UNC5A: variants seen among roughly 807,000 people sequenced by gnomAD.
UNC5A encodes the protein unc-5 netrin receptor A.
Under a neutral mutation model 87.4 loss-of-function variants are expected in UNC5A, and 20 were observed. The ratio of observed to expected loss-of-function variants is 0.23; its 90% CI spans 0.16 to 0.33. The LOEUF is 0.33. Ranked by LOEUF, UNC5A falls within the 10% of genes least tolerant of loss-of-function variation. UNC5A has a pLI of 1.00. For missense variants in UNC5A, 844 were observed against 1,133.4 expected, an observed-to-expected ratio of 0.74 and a Z score of 3.67; for synonymous variants, 438 against 482.3, an observed-to-expected ratio of 0.91 and a Z score of 1.20.
intron 1 of UNC5A, among the ~76,000 whole-genome samples, chr5:176,851,262 T>A (rs1757535043): frequency 2.0e-5 from 3 of 152,212 alleles, no homozygotes; most frequent in Non-Finnish European, 4.4e-5. Context: ...TCCTGTCAAG[T>A]TCACCATGGC....
rs1758032023 is a variant in UNC5A at position 176,868,642 on chromosome 5, C to T, written c.518C>T (p.Pro173Leu). ...EQGIVLPCRP[P>L]EGIPPAEVEW... ...GGCATCGTGCTGCCCTGCCGTCCAC[C>T]GGAGGGCATCCCTCCAGCCGAGGTG... Residue 173 changes from proline to leucine, a missense_variant, in exon 4 of 15, where the codon CCG (proline) becomes CTG (leucine). Pro to Leu is a moderately conservative substitution (Grantham distance 98). Transcript: ENST00000329542. The T allele has an allele frequency of 1.9e-6, 3 of 1,604,264 alleles. No homozygotes were observed. Among genetic ancestry groups the T allele is most frequent in the South Asian group, 1.1e-5 (1 of 90,106 alleles).
At chr5:176,847,665 A>T (rs548917229) in intron 1 of UNC5A, among the ~76,000 whole-genome samples, 3 of 151,958 alleles carry the variant, frequency 2.0e-5, no homozygotes, top group Non-Finnish European at 4.4e-5. Flanking sequence ...TACATATTCC[A>T]GCCCGATAGC....
chr5:176,815,822 T>C (rs1477470564), intron 1 of UNC5A, among the ~76,000 whole-genome samples: 3 of 152,130 alleles, frequency 2.0e-5, no homozygotes, highest in Admixed American at 6.5e-5. Flanking sequence ...TCCCCCGCCA[T>C]TGACACATAC....
rs187911450 is a variant in UNC5A at position 176,844,559 on chromosome 5, C to T, written c.71-18065C>T. Among the ~76,000 whole-genome samples, 58 of 152,294 alleles carry T rather than the reference C, an allele frequency of 3.8e-4. 1 individual carries two copies. In the East Asian group the frequency reaches 0.01, roughly 27 times the overall value. On this transcript the variant is annotated intron_variant, in intron 1 of 14. Coordinates refer to ENST00000329542, the MANE Select transcript of UNC5A (RefSeq NM_133369.3). This position sits in a 1 kb window ranked among gnomAD's most constrained non-coding sequence, Gnocchi z 4.2. Reference sequence around the variant, plus strand: ...GGGACTTAGCCGCACTGTGCCACACCGAAATTCACAGCCCACCGTGGCTCG... The same window carrying T: ...GGGACTTAGCCGCACTGTGCCACACTGAAATTCACAGCCCACCGTGGCTCG...
chr5:176,840,661 A>G (rs1757254166), intron 1 of UNC5A, among the ~76,000 whole-genome samples: 1 of 152,208 alleles, frequency 6.6e-6, no homozygotes, highest in Non-Finnish European at 1.5e-5. Context: ...GCAAGTGGGC[A>G]GGACAAAAGG....
rs1045349465 is a variant in UNC5A at position 176,875,320 on chromosome 5, T to G, written c.1378+754T>G. On this transcript the variant is annotated intron_variant, in intron 8 of 14. Coordinates refer to ENST00000329542, the MANE Select transcript of UNC5A (RefSeq NM_133369.3). This position sits in a 1 kb window ranked among gnomAD's most constrained non-coding sequence, Gnocchi z 5.2. The stretch of plus-strand genomic sequence containing the variant: ...GCCAGCTCCATCTGGATGTCTCACA[T>G]CACCTCAGACTCCTGGTGCCTAAAA... 3.3e-5 allele frequency among the ~76,000 whole-genome samples: 5 copies of G among 152,140 alleles called. No homozygotes were observed. Among genetic ancestry groups the G allele is most frequent in the South Asian group, 2.1e-4 (1 of 4,806 alleles).
At chr5:176,870,876 G>T (rs1430162071) in intron 6 of UNC5A, among the ~76,000 whole-genome samples, 1 of 136,318 alleles carries the variant, frequency 7.3e-6, no homozygotes, top group Admixed American at 7.6e-5. Flanking sequence ...CTTCCCATCT[G>T]CCCACGCTCA....
intron 1 of UNC5A, among the ~76,000 whole-genome samples, chr5:176,853,144 G>C (rs764447901): frequency 1.4e-4 from 22 of 152,348 alleles, no homozygotes; most frequent in Non-Finnish European, 2.5e-4. Flanking sequence ...GCCCTGCAGT[G>C]GGGTGAGTGC....
rs1183082608 is a variant in UNC5A, at chr5:176,874,042, C to T, written c.961C>T (p.Leu321Phe). The change falls in exon 7 of 15, where the codon CTT becomes TTT. Residue 321 changes from leucine (L) to phenylalanine (F), a missense_variant. By Grantham distance (22) the Leu-to-Phe change is conservative (BLOSUM62 0). Around this residue, in one of 3 missense-constraint regions of UNC5A, gnomAD observed 314 missense variants for 466.5 expected, o/e 0.67. Transcript: ENST00000329542. This position sits in a 1 kb window ranked among gnomAD's most constrained non-coding sequence, Gnocchi z 7.6. Reference sequence around the variant, plus strand: ...GGCCGTCTGCCTGGTCCTGCTGCTGCTTGTCCTCATCCTCGTTTATTGCCG... The same window carrying T: ...GGCCGTCTGCCTGGTCCTGCTGCTGTTTGTCCTCATCCTCGTTTATTGCCG... Reference protein sequence around the residue: ...AVAVCLVLLLLVLILVYCRKK... With the variant: ...AVAVCLVLLLFVLILVYCRKK... 2 of 1,614,132 alleles carry T rather than the reference C, an allele frequency of 1.2e-6. No homozygotes were observed. Among genetic ancestry groups the T allele is most frequent in the Non-Finnish European group, 1.7e-6 (2 of 1,179,998 alleles).
chr5:176,878,011 C>G lies in UNC5A; in HGVS notation c.1753C>G (p.Leu585Val), dbSNP rs751255144. ...CCGCTTTGCCCTGGTGGGAGAGGCC[C>G]TCAGCGTGGCTGCCGCCAAGCGCCT... ...LGRFALVGEA[L>V]SVAAAKRLKL... The change falls in exon 11 of 15, where the codon CTC becomes GTC. Residue 585 changes from leucine to valine, a missense_variant. Around this residue, in one of 3 missense-constraint regions of UNC5A, gnomAD observed 353 missense variants for 387.5 expected, o/e 0.91. Coordinates refer to ENST00000329542, the MANE Select transcript of UNC5A (RefSeq NM_133369.3). The G allele has an allele frequency of 6.2e-7, 1 of 1,607,426 alleles. No homozygotes were observed.
chr5:176,829,086 C>T (rs767593542), intron 1 of UNC5A, among the ~76,000 whole-genome samples: 7 of 148,246 alleles, frequency 4.7e-5, no homozygotes, highest in Non-Finnish European at 7.4e-5. Flanking sequence ...GAGCGGAGAT[C>T]GCGCTGCTGC....
rs576024737 is a variant in UNC5A at position 176,844,576 on chromosome 5, C to A, written c.71-18048C>A. ...TGCCACACCGAAATTCACAGCCCACCGTGGCTCGGAGGAGCATGGGCTGGT... is the reference window on the plus strand; with the variant it reads ...TGCCACACCGAAATTCACAGCCCACAGTGGCTCGGAGGAGCATGGGCTGGT... On this transcript the variant is annotated intron_variant, in intron 1 of 14. Coordinates refer to ENST00000329542, the MANE Select transcript of UNC5A (RefSeq NM_133369.3). The surrounding 1 kb of genome is among the most constrained non-coding windows in gnomAD (Gnocchi z 4.2). Among the ~76,000 whole-genome samples the A allele has an allele frequency of 6.6e-6, 1 of 152,214 alleles. No homozygotes were observed. Among genetic ancestry groups the A allele is most frequent in the Non-Finnish European group, 1.5e-5 (1 of 68,036 alleles).
At chr5:176,873,128 AC>A (rs1220702691) in intron 6 of UNC5A, among the ~76,000 whole-genome samples, 7 of 74,566 alleles carry the variant, frequency 9.4e-5, no homozygotes, top group Non-Finnish European at 1.5e-4. Flanking sequence ...GCCCACACTC[AC>A]CCAACACCAC....
chr5:176,847,908 T>C (rs1378665007), intron 1 of UNC5A, among the ~76,000 whole-genome samples: 1 of 134,670 alleles, frequency 7.4e-6, no homozygotes, highest in Non-Finnish European at 1.5e-5. Context: ...CCAGATGACA[T>C]GGAAGCAGCG....
In UNC5A at chr5:176,848,922, G is replaced by A. The variant is rs1256157872; in HGVS notation, c.71-13702G>A. On this transcript the variant is annotated intron_variant, in intron 1 of 14. Coordinates refer to ENST00000329542, the MANE Select transcript of UNC5A (RefSeq NM_133369.3). This position sits in a 1 kb window ranked among gnomAD's most constrained non-coding sequence, Gnocchi z 5.8. ...TGCTGACAGGTACATCCTGCTACCCGCCCAGGTACCTGGGGCAATGGACAG... is the reference window on the plus strand; with the variant it reads ...TGCTGACAGGTACATCCTGCTACCCACCCAGGTACCTGGGGCAATGGACAG... Among the ~76,000 whole-genome samples, 4 of 152,230 alleles carry A rather than the reference G, an allele frequency of 2.6e-5. No homozygotes were observed. Among genetic ancestry groups the A allele is most frequent in the South Asian group, 2.1e-4 (1 of 4,830 alleles).
chr5:176,835,686 T>C (rs1294917325), intron 1 of UNC5A, among the ~76,000 whole-genome samples: 1 of 151,732 alleles, frequency 6.6e-6, no homozygotes, highest in Non-Finnish European at 1.5e-5. Context: ...AGCATGAGTG[T>C]AGAGGTACCA....
intron 1 of UNC5A, among the ~76,000 whole-genome samples, chr5:176,845,662 C>G (rs1367224871): frequency 6.6e-6 from 1 of 152,180 alleles, no homozygotes; most frequent in Non-Finnish European, 1.5e-5. Context: ...ACAGACAGCC[C>G]CTCTGCTCCT....
At chr5:176,870,256 C>T in intron 5 of UNC5A, 114 bp from the exon 6 acceptor site, 1 of 1,363,718 alleles carries the variant, frequency 7.3e-7, no homozygotes, top group Non-Finnish European at 9.9e-7. Context: ...GCACCCAAAT[C>T]CAGGCTGCCT....
intron 1 of UNC5A, among the ~76,000 whole-genome samples, chr5:176,817,504 A>T (rs1342662217): frequency 6.6e-6 from 1 of 152,030 alleles, no homozygotes; most frequent in East Asian, 1.9e-4. Context: ...CGGGGCAGGG[A>T]CCCAGTGGAG....
Sources: gnomAD v4.1 joint callset for allele counts (sites outside exome capture counted in the v4.1 genomes callset) on GRCh38, gnomAD v4.1.1 for gene constraint, gnomAD v4.1.1 regional missense constraint, Gnocchi (gnomAD v3.1) non-coding constraint, MANE v1.5 for transcripts, NCBI Gene and HGNC (gene_info 2026-07-23, HGNC 2026-07-21) for gene names.